Variants in PRKG1 observed in about 807,000 individuals in gnomAD.
The protein encoded by PRKG1 is cGMP-dependent protein kinase 1.
In PRKG1, 35 loss-of-function variants were observed where a neutral mutation model predicts 88.1. The ratio of observed to expected loss-of-function variants is 0.40; its 90% CI spans 0.30 to 0.53. PRKG1 has a LOEUF of 0.53. PRKG1 is among the 20% of genes least tolerant of loss of function. The pLI is 0.59. For missense variants in PRKG1, 540 were observed against 839.8 expected, an observed-to-expected ratio of 0.64 and a Z score of 4.41; for synonymous variants, 303 against 292.5, an observed-to-expected ratio of 1.04 and a Z score of -0.37.
chr10:52,167,481 A>T (rs2132701877), intron 9 of PRKG1, among the ~76,000 whole-genome samples: 1 of 152,278 alleles, frequency 6.6e-6, no homozygotes, highest in East Asian at 1.9e-4. Flanking sequence ...CATTTATAAT[A>T]CTATTATATA....
At chr10:51,524,513 G>A (rs1029108044) in intron 3 of PRKG1, among the ~76,000 whole-genome samples, 9 of 152,144 alleles carry the variant, frequency 5.9e-5, no homozygotes, top group African/African-American at 1.4e-4. Context: ...CATAATTTTT[G>A]TGTGTCACAG....
At chr10:52,033,212 A>G (rs1845514681) in intron 5 of PRKG1, among the ~76,000 whole-genome samples, 1 of 152,192 alleles carries the variant, frequency 6.6e-6, no homozygotes, top group African/African-American at 2.4e-5. Flanking sequence ...TTGATGTCAA[A>G]GCACCTGGGA....
chr10:52,242,616 G>GC (rs1172637652), intron 9 of PRKG1, among the ~76,000 whole-genome samples: 1 of 152,038 alleles, frequency 6.6e-6, no homozygotes, highest in Non-Finnish European at 1.5e-5. Flanking sequence ...GAAAAATTTG[G>GC]CCAGGCACGG....
intron 5 of PRKG1, among the ~76,000 whole-genome samples, chr10:52,022,342 C>T (rs375217557): frequency 5.9e-5 from 9 of 152,098 alleles, no homozygotes; most frequent in South Asian, 2.1e-4. Context: ...CTCTGTATTG[C>T]GATAGGAGTT....
chr10:51,986,883 A>G (rs1374741423), intron 5 of PRKG1, among the ~76,000 whole-genome samples: 2 of 152,218 alleles, frequency 1.3e-5, no homozygotes, highest in Non-Finnish European at 1.5e-5. Flanking sequence ...TATCTTGAGC[A>G]TACACAACTT....
rs147826823 is a variant in PRKG1, at chr10:51,029,488, C to T, written c.266+37844C>T. Among the ~76,000 whole-genome samples, 367 of 152,208 alleles carry T rather than the reference C, an allele frequency of 2.4e-3. 3 individuals carry two copies. The highest frequency in any genetic ancestry group is 4.1e-3 in the Non-Finnish European group (282 of 68,014). Reference sequence around the variant, plus strand: ...ATCCATTTCCTTTATTACCATATTTCTCATGCCGGAATGTCAGAAGTCATA... The same window carrying T: ...ATCCATTTCCTTTATTACCATATTTTTCATGCCGGAATGTCAGAAGTCATA... On this transcript the variant is annotated intron_variant, in intron 1 of 17. Transcript: ENST00000401604.
intron 2 of PRKG1, among the ~76,000 whole-genome samples, chr10:51,238,816 A>G (rs996465645): frequency 4.0e-5 from 6 of 151,822 alleles, no homozygotes; most frequent in Admixed American, 3.9e-4. Context: ...CTTCACATTT[A>G]GAATATAAAG....
At chr10:51,539,980 C>T (rs757690364) in intron 3 of PRKG1, among the ~76,000 whole-genome samples, 17 of 152,096 alleles carry the variant, frequency 1.1e-4, no homozygotes, top group South Asian at 4.1e-4. Flanking sequence ...TCTGTCAAGT[C>T]GATTTTTATT....
chr10:51,957,498 G>T (rs73339228), intron 5 of PRKG1, among the ~76,000 whole-genome samples: 4,194 of 151,942 alleles, frequency 0.028, 198 homozygotes, highest in African/African-American at 0.095. Flanking sequence ...TCTCTATGCT[G>T]CCCAGACTTG....
intron 2 of PRKG1, among the ~76,000 whole-genome samples, chr10:51,199,494 C>T (rs780458978): frequency 6.6e-6 from 1 of 152,070 alleles, no homozygotes; most frequent in East Asian, 1.9e-4. Flanking sequence ...TGAGTGTGGC[C>T]GATTTCTTCT....
intron 3 of PRKG1, among the ~76,000 whole-genome samples, chr10:51,795,961 T>A (rs1838999936): frequency 6.6e-6 from 1 of 152,102 alleles, no homozygotes; most frequent in African/African-American, 2.4e-5. Flanking sequence ...GGAATTCTTT[T>A]AAGAAATTTC....
intron 1 of PRKG1, among the ~76,000 whole-genome samples, chr10:51,112,356 AG>A (rs1424163383): frequency 6.6e-6 from 1 of 152,154 alleles, no homozygotes; most frequent in Non-Finnish European, 1.5e-5. Context: ...ATAAAAATGT[AG>A]GTTGTTGGAA....
In PRKG1 at chr10:52,229,306, G is replaced by T. The variant is rs967661977; in HGVS notation, c.1077-22264G>T. 2.6e-5 allele frequency among the ~76,000 whole-genome samples: 4 copies of T among 152,316 alleles called. No individual in the cohort carries two copies. The East Asian group carries it at 7.7e-4, about 29-fold the overall frequency. ...ATCTGAGATTTAGCTTTCCCCTTCTGAAAGGTACACTTACAAATTTCTGGT... is the reference window on the plus strand; with the variant it reads ...ATCTGAGATTTAGCTTTCCCCTTCTTAAAGGTACACTTACAAATTTCTGGT... On this transcript the variant is annotated intron_variant, in intron 9 of 17. Coordinates refer to ENST00000373980, the MANE Select transcript of PRKG1 (RefSeq NM_006258.4).
At chr10:51,298,109 C>T (rs183250723) in intron 2 of PRKG1, among the ~76,000 whole-genome samples, 1 of 152,204 alleles carries the variant, frequency 6.6e-6, no homozygotes, top group African/African-American at 2.4e-5. Flanking sequence ...ATCTCCTAAC[C>T]TTATAACAAT....
chr10:51,901,585 C>A (rs187040966), intron 4 of PRKG1, among the ~76,000 whole-genome samples: 243 of 152,200 alleles, frequency 1.6e-3, no homozygotes, highest in African/African-American at 5.7e-3. Flanking sequence ...GGTAACTGAC[C>A]CGTAAGATGC....
rs536610113 is a variant in PRKG1 at position 52,094,904 on chromosome 10, G to T, written c.935+32273G>T. The stretch of plus-strand genomic sequence containing the variant: ...AGGGCTTCAACCTATGAATTTGAGA[G>T]GTCACAATTCAGTCACTATCAACTG... On this transcript the variant is annotated intron_variant, in intron 7 of 17. Transcript: ENST00000373980. Among the ~76,000 whole-genome samples, 3 of 152,270 alleles carry T rather than the reference G, an allele frequency of 2.0e-5. No individual in the cohort carries two copies. In the South Asian group the frequency reaches 6.2e-4, roughly 32 times the overall value.
At chr10:51,116,910 G>A (rs1401592940) in intron 1 of PRKG1, among the ~76,000 whole-genome samples, 1 of 152,148 alleles carries the variant, frequency 6.6e-6, no homozygotes, top group Non-Finnish European at 1.5e-5. Context: ...TGGGAGCCTG[G>A]AGAATCAGAT....
At chr10:52,266,101 T>G (rs1841562565) in intron 10 of PRKG1, among the ~76,000 whole-genome samples, 2 of 151,918 alleles carry the variant, frequency 1.3e-5, no homozygotes, top group Admixed American at 6.6e-5. Context: ...TACAGAAAAT[T>G]CCTATATACG....
rs536379352 is a variant in PRKG1 at position 52,283,994 on chromosome 10, T to C, written c.1709+1678T>C. The stretch of plus-strand genomic sequence containing the variant: ...TAGACATTTCTCTACAATCATTGTT[T>C]ATTCATTAAGTAATAAGGTGAAAAT... On this transcript the variant is annotated intron_variant, in intron 14 of 17. Transcript: ENST00000373980. Among the ~76,000 whole-genome samples, 7 of 152,130 alleles carry C rather than the reference T, an allele frequency of 4.6e-5. No individual in the cohort carries two copies. In the South Asian group the frequency reaches 1.5e-3, roughly 32 times the overall value.
Sources: allele counts gnomAD v4.1 joint callset (sites outside exome capture counted in the v4.1 genomes callset), GRCh38; gene constraint gnomAD v4.1.1; transcripts MANE v1.5; gene names NCBI Gene and HGNC (gene_info 2026-07-23, HGNC 2026-07-21).